STK3: variants seen among roughly 807,000 people sequenced by gnomAD.
STK3 encodes the protein serine/threonine kinase 3, also known as serine/threonine-protein kinase 3.
STK3 carries 41 observed loss-of-function variants against 58.0 expected under a neutral mutation model. That is an observed-to-expected ratio of 0.71 (90% CI 0.55 to 0.92). STK3 has a LOEUF of 0.92. Ranked by LOEUF, STK3 falls within the 40% of genes least tolerant of loss-of-function variation. The probability of loss-of-function intolerance (pLI) is 0.00; values close to 1 mark genes in which losing one functional copy is unlikely to be tolerated. For synonymous variants in STK3, 170 were observed against 191.0 expected (o/e 0.89, Z 0.91); for missense variants, 479 against 602.7 (o/e 0.79, Z 2.15).
downstream of STK3, among the ~76,000 whole-genome samples, chr8:98,397,725 G>A (rs1339349878): frequency 6.6e-6 from 1 of 152,036 alleles, no homozygotes; most frequent in Non-Finnish European, 1.5e-5. Context: ...GAACCTGGAG[G>A]AAGATGATTG....
intron 6 of STK3, chr8:98,597,324 A>G: frequency 1.0e-6 from 1 of 985,416 alleles, no homozygotes; most frequent in Non-Finnish European, 1.2e-6. Flanking sequence ...ATTATAGGTT[A>G]AGAGTCAATC....
chr8:98,700,079 CT>C (rs1407054992), intron 6 of STK3, among the ~76,000 whole-genome samples: 4 of 152,240 alleles, frequency 2.6e-5, no homozygotes, highest in Non-Finnish European at 5.9e-5. Context: ...GCGGGCGCCC[CT>C]CCCCCAGCCT....
chr8:98,915,971 A>G (rs569324647), intron 1 of STK3, among the ~76,000 whole-genome samples: 16 of 152,340 alleles, frequency 1.1e-4, no homozygotes, highest in African/African-American at 3.8e-4. Flanking sequence ...AAGCAGTAGC[A>G]GATTCACCAA....
At chr8:98,797,597 C>G (rs2131608722) in intron 1 of STK3, among the ~76,000 whole-genome samples, 2 of 152,290 alleles carry the variant, frequency 1.3e-5, no homozygotes, top group Middle Eastern at 3.4e-3. Context: ...TGTTCTAAAT[C>G]TTGATTTGGG....
chr8:98,854,473 A>G (rs1836595678), intron 3 of STK3, among the ~76,000 whole-genome samples: 1 of 152,194 alleles, frequency 6.6e-6, no homozygotes, highest in Admixed American at 6.5e-5. Flanking sequence ...AATCTCGTAT[A>G]TAGAAAATCC....
intron 1 of STK3, among the ~76,000 whole-genome samples, chr8:98,887,608 T>G (rs567378808): frequency 6.6e-6 from 1 of 152,252 alleles, no homozygotes; most frequent in South Asian, 2.1e-4. Flanking sequence ...GAAAAGATTA[T>G]AAACATAAAA....
At chr8:98,539,337 A>G (rs1202354903) in intron 9 of STK3, among the ~76,000 whole-genome samples, 2 of 152,204 alleles carry the variant, frequency 1.3e-5, no homozygotes, top group African/African-American at 4.8e-5. Context: ...ATTACTAAGC[A>G]AAGAATACGG....
chr8:98,358,690 G>C, the STK3 span, among the ~76,000 whole-genome samples: 1 of 152,090 alleles, frequency 6.6e-6, no homozygotes, highest in African/African-American at 2.4e-5. Flanking sequence ...AGGAAAGGTA[G>C]GCATGGTTTA....
intron 10 of STK3, among the ~76,000 whole-genome samples, chr8:98,471,632 A>G (rs1430095484): frequency 1.3e-5 from 2 of 152,162 alleles, no homozygotes; most frequent in Non-Finnish European, 2.9e-5. Context: ...CGACTACTCC[A>G]AGTACCGTTT....
At chr8:98,754,362 G>A (rs1279870825) in intron 3 of STK3, among the ~76,000 whole-genome samples, 1 of 152,020 alleles carries the variant, frequency 6.6e-6, no homozygotes, top group African/African-American at 2.4e-5. Context: ...AGAGCCACCT[G>A]TGACCCAAGC....
chr8:98,473,650 T>C (rs554372624), intron 10 of STK3, among the ~76,000 whole-genome samples: 1 of 152,192 alleles, frequency 6.6e-6, no homozygotes, highest in Non-Finnish European at 1.5e-5. Context: ...GAATTCTTTT[T>C]AGTTTCTATC....
intron 6 of STK3, among the ~76,000 whole-genome samples, chr8:98,634,744 G>C (rs1401320657): frequency 6.6e-6 from 1 of 152,080 alleles, no homozygotes; most frequent in Non-Finnish European, 1.5e-5. Flanking sequence ...AGAGATAAAA[G>C]CTGGAGGAAA....
upstream of STK3, among the ~76,000 whole-genome samples, chr8:98,828,412 G>C (rs1341736526): frequency 7.6e-6 from 1 of 131,524 alleles, no homozygotes; most frequent in Non-Finnish European, 1.6e-5. Context: ...GACCAGCCTG[G>C]GAAACATGGT....
At chr8:98,805,183 A>C (rs1254505139) in intron 1 of STK3, among the ~76,000 whole-genome samples, 9 of 152,234 alleles carry the variant, frequency 5.9e-5, no homozygotes. Flanking sequence ...GCGGAACCTA[A>C]GACCTTCTCA....
At chr8:98,650,370 C>T (rs750912140) in intron 6 of STK3, among the ~76,000 whole-genome samples, 3 of 152,220 alleles carry the variant, frequency 2.0e-5, no homozygotes, top group South Asian at 2.1e-4. Flanking sequence ...CCAAGATGAC[C>T]GAATAGGAAC....
At chr8:98,873,531 G>A (rs905355426) in intron 3 of STK3, among the ~76,000 whole-genome samples, 2 of 152,128 alleles carry the variant, frequency 1.3e-5, no homozygotes, top group Admixed American at 6.5e-5. Context: ...TCCTGTATTG[G>A]GTGCATATGT....
intron 4 of STK3, among the ~76,000 whole-genome samples, chr8:98,737,189 T>C (rs575985428): frequency 6.6e-5 from 10 of 152,284 alleles, no homozygotes; most frequent in African/African-American, 2.4e-4. Flanking sequence ...AAGTTTTACA[T>C]CCACAGATCA....
At chr8:98,763,751 CA>C (rs1830775135) in intron 3 of STK3, among the ~76,000 whole-genome samples, 1 of 152,064 alleles carries the variant, frequency 6.6e-6, no homozygotes, top group South Asian at 2.1e-4. Flanking sequence ...CAGCTCACTG[CA>C]CCTTCCGCCT....
chr8:98,765,450 T>C lies in STK3; in HGVS notation c.236+1793A>G, dbSNP rs368275138. Among the ~76,000 whole-genome samples the C allele has an allele frequency of 9.0e-4, 137 of 152,290 alleles. 1 individual carries two copies. In the South Asian group the frequency reaches 0.014, roughly 15 times the overall value. On this transcript the variant is annotated intron_variant, in intron 3 of 10. Transcript: ENST00000419617. ...ACAATCTATAGATCCTATGTATTGT[T>C]AGGAGTGAAAGCTTTCCATAAATCT...
Sources: gnomAD v4.1 joint callset for allele counts (sites outside exome capture counted in the v4.1 genomes callset) on GRCh38, gnomAD v4.1.1 for gene constraint, MANE v1.5 for transcripts, NCBI Gene and HGNC (gene_info 2026-07-23, HGNC 2026-07-21) for gene names.